TMEM94: variants seen among roughly 807,000 people sequenced by gnomAD.
TMEM94 encodes ER Mg2+ ATPase.
Under a neutral mutation model 158.6 loss-of-function variants are expected in TMEM94, and 81 were observed. The ratio of observed to expected loss-of-function variants is 0.51; its 90% CI spans 0.43 to 0.61. The LOEUF (loss-of-function observed/expected upper bound fraction) is 0.61, where lower values mean the gene tolerates loss of function less well. Among genes scored for constraint, TMEM94 ranks in the 20% least tolerant of loss-of-function variants. The pLI, the probability that TMEM94 is intolerant of heterozygous loss-of-function variation, is 0.00. For missense variants in TMEM94, 1,435 were observed against 1,762.0 expected, an observed-to-expected ratio of 0.81 and a Z score of 3.32; for synonymous variants, 751 against 730.7, an observed-to-expected ratio of 1.03 and a Z score of -0.45.
chr17:75,485,274 C>G lies in TMEM94; in HGVS notation c.25-154C>G, dbSNP rs922295239. On this transcript the variant is annotated intron_variant, in intron 2 of 31. Transcript: ENST00000314256. The surrounding 1 kb of genome is among the most constrained non-coding windows in gnomAD (Gnocchi z 5.5). ...GTAATTTGGTGGAGATGGACATGGT[C>G]ACACCTTGAGAGGCCAGAGCTGGTA... is the stretch of plus-strand genomic sequence containing the variant. The G allele has an allele frequency of 1.3e-6, 1 of 760,856 alleles. No individual in the cohort carries two copies. Among genetic ancestry groups the G allele is most frequent in the Admixed American group, 2.8e-5 (1 of 35,538 alleles). The allele number at this position is 760,856 out of a possible 1,614,324, so 47.1% of individuals were successfully genotyped here.
chr17:75,473,869 C>A (rs1475303287), intron 2 of TMEM94, among the ~76,000 whole-genome samples: 1 of 152,136 alleles, frequency 6.6e-6, no homozygotes, highest in Non-Finnish European at 1.5e-5. Context: ...AATCTCAGCA[C>A]TTTGGGAGGC....
intron 1 of TMEM94, among the ~76,000 whole-genome samples, chr17:75,464,637 T>G (rs958098881): frequency 2.0e-5 from 2 of 102,530 alleles, no homozygotes; most frequent in African/African-American, 6.9e-5. Flanking sequence ...CCTTCCTTCC[T>G]TCCTTCCTTC....
chr17:75,463,178 G>GTGTGTATATATATATA lies in TMEM94; in HGVS notation c.-107+6428_-107+6429insGTGTATATATATATAT, dbSNP rs1180723796. On this transcript the variant is annotated intron_variant, in intron 1 of 31. Transcript: ENST00000314256. The stretch of plus-strand genomic sequence containing the variant: ...TATATATATGTGTGTGTGTGTGTGT[G>GTGTGTATATATATATA]TATATATATATATATATATACAGTT... 1.9e-3 allele frequency among the ~76,000 whole-genome samples: 28 copies of GTGTGTATATATATATA among 15,082 alleles called. 3 individuals carry two copies. Among genetic ancestry groups the GTGTGTATATATATATA allele is most frequent in the African/African-American group, 4.6e-3 (28 of 6,060 alleles). 9.9% of individuals were successfully genotyped at this position (15,082 alleles called of 152,430 possible).
intron 5 of TMEM94, 145 bp downstream of exon 5, chr17:75,486,571 GC>G: frequency 9.8e-7 from 1 of 1,022,044 alleles, no homozygotes; most frequent in Non-Finnish European, 1.4e-6. Flanking sequence ...TTAGAAGGAT[GC>G]CCACTCTCTT....
At chr17:75,474,853 C>T (rs1170172248) in intron 2 of TMEM94, among the ~76,000 whole-genome samples, 1 of 152,140 alleles carries the variant, frequency 6.6e-6, no homozygotes, top group Admixed American at 6.5e-5. Context: ...TGTCCCCGGT[C>T]CTCCAGCCCA....
intron 10 of TMEM94, 80 bp downstream of exon 10, chr17:75,490,430 G>A: frequency 6.7e-7 from 1 of 1,488,160 alleles, no homozygotes; most frequent in Non-Finnish European, 9.1e-7. Context: ...GGGGGCAGAA[G>A]TCCAGCCCCA....
intron 2 of TMEM94, among the ~76,000 whole-genome samples, chr17:75,477,496 G>T (rs541678508): frequency 2.0e-5 from 3 of 152,066 alleles, no homozygotes; most frequent in African/African-American, 7.2e-5. Context: ...CGATCCACCC[G>T]CCTCGGCCTC....
At chr17:75,466,646 G>A (rs764797048) in intron 1 of TMEM94, among the ~76,000 whole-genome samples, 9 of 152,012 alleles carry the variant, frequency 5.9e-5, no homozygotes, top group Non-Finnish European at 8.8e-5. Context: ...GTGAAACCCC[G>A]TCTCTACTAA....
chr17:75,480,819 TC>T (rs1010368700), intron 2 of TMEM94, among the ~76,000 whole-genome samples: 52 of 152,296 alleles, frequency 3.4e-4, no homozygotes, highest in African/African-American at 1.2e-3. Flanking sequence ...TGGACAGCCT[TC>T]CCCCTATGCA....
chr17:75,493,297 C>T, intron 16 of TMEM94, 194 bp from the exon 17 acceptor site: 1 of 832,128 alleles, frequency 1.2e-6, no homozygotes, highest in South Asian at 1.7e-5. Context: ...CGGGATTGTC[C>T]AAAGGATGGG....
intron 1 of TMEM94, among the ~76,000 whole-genome samples, chr17:75,465,330 T>G (rs2050263144): frequency 6.6e-6 from 1 of 151,938 alleles, no homozygotes; most frequent in Admixed American, 6.6e-5. Flanking sequence ...GTGGTTTTAA[T>G]TTTTGTTTCC....
chr17:75,477,934 G>A (rs888236923), intron 2 of TMEM94, among the ~76,000 whole-genome samples: 12 of 148,204 alleles, frequency 8.1e-5, no homozygotes, highest in African/African-American at 2.5e-4. Flanking sequence ...GCTTGAACCC[G>A]AGAGACGGAG....
intron 5 of TMEM94, among the ~76,000 whole-genome samples, chr17:75,486,830 G>T (rs1302313168): frequency 6.6e-6 from 1 of 152,226 alleles, no homozygotes; most frequent in Non-Finnish European, 1.5e-5. Context: ...GTGGGGTAGG[G>T]GCCGGGAGCC....
chr17:75,493,211 A>G, intron 16 of TMEM94, 109 bp downstream of exon 16: 3 of 1,204,470 alleles, frequency 2.5e-6, no homozygotes, highest in Non-Finnish European at 3.4e-6. Context: ...GATGAAAAGT[A>G]GACTGCTTCC....
At chr17:75,494,471 T>TTC (rs1285024476) in intron 18 of TMEM94, among the ~76,000 whole-genome samples, 156 bp from the exon 19 acceptor site, 1 of 152,232 alleles carries the variant, frequency 6.6e-6, no homozygotes, top group Non-Finnish European at 1.5e-5. Flanking sequence ...TCACTGTCTT[T>TTC]TCTCCTGTGT....
rs182288677 is a variant in TMEM94 at position 75,489,390 on chromosome 17, G to A, written c.867+22G>A. ...CCTGGTGCGTGTGGCGGGGCTGTGCGGGGCTGCATGGGGCAGAGGAGAGGG... is the reference window on the plus strand; with the variant it reads ...CCTGGTGCGTGTGGCGGGGCTGTGCAGGGCTGCATGGGGCAGAGGAGAGGG... On this transcript the variant is annotated intron_variant, in intron 8 of 31. Coordinates refer to ENST00000314256, the MANE Select transcript of TMEM94 (RefSeq NM_014738.6). This position sits in a 1 kb window ranked among gnomAD's most constrained non-coding sequence, Gnocchi z 5.0. 1,959 of 1,605,016 alleles carry A rather than the reference G, an allele frequency of 1.2e-3. 1 individual carries two copies. The highest frequency in any genetic ancestry group is 6.9e-3 in the East Asian group (308 of 44,824).
At chr17:75,459,939 A>G (rs745565005) in intron 1 of TMEM94, among the ~76,000 whole-genome samples, 2 of 152,180 alleles carry the variant, frequency 1.3e-5, no homozygotes, top group Non-Finnish European at 2.9e-5. Context: ...AGGGTAGGCC[A>G]TGGCTGAAAC....
intron 1 of TMEM94, among the ~76,000 whole-genome samples, chr17:75,458,791 C>G (rs908901223): frequency 6.6e-6 from 1 of 150,942 alleles, no homozygotes; most frequent in Non-Finnish European, 1.5e-5. Context: ...GGCGCAGTGG[C>G]TCACGCCTGT....
intron 1 of TMEM94, among the ~76,000 whole-genome samples, chr17:75,465,679 A>ATATATATT (rs1247855961): frequency 3.0e-4 from 37 of 124,840 alleles, no homozygotes; most frequent in Non-Finnish European, 5.1e-4. Flanking sequence ...ATATATATAT[A>ATATATATT]TTTTTTTTTA....
Sources: gnomAD v4.1 joint callset for allele counts (sites outside exome capture counted in the v4.1 genomes callset) on GRCh38, gnomAD v4.1.1 for gene constraint, Gnocchi (gnomAD v3.1) non-coding constraint, MANE v1.5 for transcripts, NCBI Gene and HGNC (gene_info 2026-07-23, HGNC 2026-07-21) for gene names.